The following WASF2 variants were observed in gnomAD, a reference collection of about 807,000 sequenced individuals.
WASF2 encodes the protein actin-binding protein WASF2.
Under a neutral mutation model 45.0 loss-of-function variants are expected in WASF2, and 14 were observed. That is an observed-to-expected ratio of 0.31 (90% CI 0.21 to 0.49). The LOEUF (loss-of-function observed/expected upper bound fraction) is 0.49. Ranked by LOEUF, WASF2 falls within the 20% of genes least tolerant of loss-of-function variation. The pLI is 0.99. For synonymous variants in WASF2, 200 were observed against 236.3 expected (o/e 0.85, Z 1.41); for missense variants, 439 against 636.1 (o/e 0.69, Z 3.33).
intron 1 of WASF2, among the ~76,000 whole-genome samples, chr1:27,458,596 A>G (rs2148129781): frequency 6.6e-6 from 1 of 152,052 alleles, no homozygotes; most frequent in Non-Finnish European, 1.5e-5. Context: ...GGAGTTTGAG[A>G]CCAGCCTGGC....
chr1:27,452,957 G>A (rs938629530), intron 1 of WASF2, among the ~76,000 whole-genome samples: 1 of 151,838 alleles, frequency 6.6e-6, no homozygotes, highest in African/African-American at 2.4e-5. Flanking sequence ...TGTAATCCCA[G>A]CACTTTGGGA....
At chr1:27,433,116 G>A (rs192596007) in intron 1 of WASF2, among the ~76,000 whole-genome samples, 2 of 152,268 alleles carry the variant, frequency 1.3e-5, no homozygotes, top group East Asian at 3.9e-4. Flanking sequence ...ATTATATGGT[G>A]GAATGCAATA....
intron 1 of WASF2, among the ~76,000 whole-genome samples, chr1:27,439,350 T>C (rs1478648512): frequency 3.3e-5 from 5 of 152,366 alleles, no homozygotes; most frequent in South Asian, 4.1e-4. Flanking sequence ...GTAGTAGTAG[T>C]AGCAGTAGAA....
At chr1:27,479,986 G>C (rs1337400329) in intron 1 of WASF2, among the ~76,000 whole-genome samples, 1 of 152,166 alleles carries the variant, frequency 6.6e-6, no homozygotes, top group Non-Finnish European at 1.5e-5. Flanking sequence ...GAATGCTGAA[G>C]GAACTTTAAA....
At chr1:27,463,929 G>A (rs901544736) in intron 1 of WASF2, among the ~76,000 whole-genome samples, 7 of 150,900 alleles carry the variant, frequency 4.6e-5, no homozygotes, top group African/African-American at 1.7e-4. Flanking sequence ...GTGCCACCAC[G>A]CCCGGCTAAT....
Position 27,470,744 on chromosome 1 carries a change from A to G in WASF2, c.-44+19242T>C, listed in dbSNP as rs116464603. Among the ~76,000 whole-genome samples, 590 of 152,330 alleles carry G rather than the reference A, an allele frequency of 3.9e-3. 4 individuals carry two copies. The highest frequency in any genetic ancestry group is 0.013 in the African/African-American group (557 of 41,572). ...TGTTCCTCACAAGGTTCTGAAGAAC[A>G]AAATGCTGCCCAGGAGTGCTATGCA... On this transcript the variant is annotated intron_variant, in intron 1 of 8. Transcript: ENST00000618852.
chr1:27,428,510 A>G (rs1186444715), intron 2 of WASF2, among the ~76,000 whole-genome samples: 1 of 151,878 alleles, frequency 6.6e-6, no homozygotes, highest in African/African-American at 2.4e-5. Flanking sequence ...CACCCTTCCC[A>G]CAGATTTCTG....
At chr1:27,462,109 C>T (rs1394423675) in intron 1 of WASF2, among the ~76,000 whole-genome samples, 1 of 151,774 alleles carries the variant, frequency 6.6e-6, no homozygotes, top group Non-Finnish European at 1.5e-5. Context: ...TCCCAAGTAG[C>T]TGGGACTAAA....
At chr1:27,411,289 A>G (rs2016757697) in intron 7 of WASF2, among the ~76,000 whole-genome samples, 1 of 152,264 alleles carries the variant, frequency 6.6e-6, no homozygotes, top group South Asian at 2.1e-4. Context: ...AAAACAGTGC[A>G]ATCTGAACAA....
intron 2 of WASF2, among the ~76,000 whole-genome samples, chr1:27,421,158 A>T (rs2016903579): frequency 6.6e-6 from 1 of 152,230 alleles, no homozygotes; most frequent in African/African-American, 2.4e-5. Context: ...GACCTAAACA[A>T]CTATGGGACG....
intron 1 of WASF2, among the ~76,000 whole-genome samples, chr1:27,481,310 A>G (rs531179761): frequency 6.6e-6 from 1 of 152,070 alleles, no homozygotes; most frequent in African/African-American, 2.4e-5. Flanking sequence ...TATGAAAAAA[A>G]TAACGCATGT....
chr1:27,466,823 T>C (rs2017616801), intron 1 of WASF2, among the ~76,000 whole-genome samples: 1 of 151,882 alleles, frequency 6.6e-6, no homozygotes, highest in African/African-American at 2.4e-5. Flanking sequence ...GCCACTGTAC[T>C]CCAGCCTGAA....
intron 1 of WASF2, chr1:27,457,214 TTA>T (rs1385410401): frequency 6.6e-6 from 1 of 152,138 alleles, no homozygotes; most frequent in East Asian, 1.9e-4. Flanking sequence ...TCTTGGTAAG[TTA>T]TCTTTTCCTA....
At chr1:27,408,412 G>T in intron 8 of WASF2, 66 bp from the exon 9 acceptor site, 1 of 1,591,046 alleles carries the variant, frequency 6.3e-7, no homozygotes, top group Admixed American at 1.7e-5. Context: ...TCTGGAACTG[G>T]GTAAGAGGGA....
chr1:27,475,100 T>C (rs1229179547), intron 1 of WASF2, among the ~76,000 whole-genome samples: 1 of 152,008 alleles, frequency 6.6e-6, no homozygotes, highest in Admixed American at 6.6e-5. Context: ...CACAGTGAGA[T>C]GCAATCTCTA....
At chr1:27,472,114 C>T (rs2017696908) in intron 1 of WASF2, among the ~76,000 whole-genome samples, 1 of 152,000 alleles carries the variant, frequency 6.6e-6, no homozygotes, top group African/African-American at 2.4e-5. Context: ...GGGCAGATCA[C>T]GAGGTCAGGA....
chr1:27,487,683 A>T (rs1443918726), intron 1 of WASF2, among the ~76,000 whole-genome samples: 2 of 110,064 alleles, frequency 1.8e-5, no homozygotes, highest in Non-Finnish European at 3.4e-5. Flanking sequence ...ATTTTATATA[A>T]TATATAATAT....
At chr1:27,473,659 G>A (rs2017724949) in intron 1 of WASF2, among the ~76,000 whole-genome samples, 1 of 152,002 alleles carries the variant, frequency 6.6e-6, no homozygotes, top group Non-Finnish European at 1.5e-5. Flanking sequence ...GTAAACAAGA[G>A]TTAAGTTCCT....
chr1:27,414,708 G>C lies in WASF2; in HGVS notation c.668+125C>G, dbSNP rs555980954. On this transcript the variant is annotated intron_variant, in intron 6 of 8. Coordinates refer to ENST00000618852, the MANE Select transcript of WASF2 (RefSeq NM_006990.5). The surrounding 1 kb of genome is among the most constrained non-coding windows in gnomAD (Gnocchi z 4.1). ...TGCACTTTAAAGTAGCTGATTAACA[G>C]TGGTATTGATCTAAGCCACAGAGAC... 1.9e-5 allele frequency: 24 copies of C among 1,261,162 alleles called. 1 individual carries two copies. The South Asian group carries it at 3.6e-4, about 19-fold the overall frequency. 78.1% of individuals were successfully genotyped at this position (1,261,162 alleles called of 1,614,324 possible).
Sources: gnomAD v4.1 joint callset for allele counts (sites outside exome capture counted in the v4.1 genomes callset) on GRCh38, gnomAD v4.1.1 for gene constraint, Gnocchi (gnomAD v3.1) non-coding constraint, MANE v1.5 for transcripts, NCBI Gene and HGNC (gene_info 2026-07-23, HGNC 2026-07-21) for gene names.